FRMD4B: variants seen among roughly 807,000 people sequenced by gnomAD.
The protein encoded by FRMD4B is FERM domain containing 4B, also known as FERM domain-containing protein 4B.
In FRMD4B, 74 loss-of-function variants were observed where a neutral mutation model predicts 141.5. That is an observed-to-expected ratio of 0.52 (90% CI 0.43 to 0.63). The LOEUF is 0.63. Ranked by LOEUF, FRMD4B falls within the 30% of genes least tolerant of loss-of-function variation. FRMD4B has a pLI of 0.00. For missense variants in FRMD4B, 1,366 were observed against 1,253.4 expected, an observed-to-expected ratio of 1.09 and a Z score of -1.36; for synonymous variants, 506 against 467.9, an observed-to-expected ratio of 1.08 and a Z score of -1.05.
chr3:69,201,087 T>C (rs146812176), intron 11 of FRMD4B, among the ~76,000 whole-genome samples: 6 of 152,312 alleles, frequency 3.9e-5, no homozygotes, highest in African/African-American at 1.4e-4. Context: ...AATAACTGGA[T>C]TGTAACTGGG....
chr3:69,340,320 C>G (rs1278951411), intron 1 of FRMD4B, among the ~76,000 whole-genome samples: 4 of 152,048 alleles, frequency 2.6e-5, no homozygotes, highest in African/African-American at 9.7e-5. Flanking sequence ...CTCCCTCCTC[C>G]CACCCTCTAT....
chr3:69,443,285 T>C (rs1465732720), intron 1 of FRMD4B, among the ~76,000 whole-genome samples: 1 of 152,216 alleles, frequency 6.6e-6, no homozygotes, highest in East Asian at 1.9e-4. Flanking sequence ...TCCTGGTGAA[T>C]GCATTCACTT....
intron 11 of FRMD4B, among the ~76,000 whole-genome samples, chr3:69,212,531 C>G (rs906982953): frequency 6.6e-6 from 1 of 152,024 alleles, no homozygotes; most frequent in Admixed American, 6.6e-5. Flanking sequence ...TTTCTAGACT[C>G]TGGAATGAAC....
At chr3:69,440,438 G>A (rs904281372) in intron 1 of FRMD4B, among the ~76,000 whole-genome samples, 1 of 152,122 alleles carries the variant, frequency 6.6e-6, no homozygotes. Flanking sequence ...CAGTAATACT[G>A]TCTATGGCTT....
At chr3:69,433,390 C>G (rs1156238140) in intron 1 of FRMD4B, among the ~76,000 whole-genome samples, 1 of 152,220 alleles carries the variant, frequency 6.6e-6, no homozygotes, top group Non-Finnish European at 1.5e-5. Context: ...CTTGTGAGGT[C>G]ACACTGTTTC....
chr3:69,267,853 A>G (rs1258069655), intron 5 of FRMD4B, among the ~76,000 whole-genome samples: 1 of 149,710 alleles, frequency 6.7e-6, no homozygotes, highest in African/African-American at 2.5e-5. Context: ...GGCTGGTCTC[A>G]CACTCGTGGC....
intron 1 of FRMD4B, among the ~76,000 whole-genome samples, chr3:69,493,326 A>G (rs1188802880): frequency 6.6e-6 from 1 of 152,222 alleles, no homozygotes; most frequent in Non-Finnish European, 1.5e-5. Context: ...AGAGCCAATA[A>G]GGCAGATAAC....
chr3:69,384,316 T>C (rs987672914), intron 1 of FRMD4B, among the ~76,000 whole-genome samples: 2 of 152,240 alleles, frequency 1.3e-5, no homozygotes, highest in African/African-American at 2.4e-5. Flanking sequence ...GTATTACAGA[T>C]AAGCCATAAA....
At chr3:69,445,907 C>T (rs1479891146) in intron 1 of FRMD4B, among the ~76,000 whole-genome samples, 1 of 152,222 alleles carries the variant, frequency 6.6e-6, no homozygotes, top group African/African-American at 2.4e-5. Flanking sequence ...ACTAGAATTT[C>T]ACCTCCAAGA....
At chr3:69,424,803 G>T (rs1272076927) in intron 2 of FRMD4B, among the ~76,000 whole-genome samples, 1 of 152,150 alleles carries the variant, frequency 6.6e-6, no homozygotes, top group Non-Finnish European at 1.5e-5. Flanking sequence ...TTTAAAATTT[G>T]CTTAGGAAGG....
intron 7 of FRMD4B, among the ~76,000 whole-genome samples, chr3:69,234,014 G>A (rs1031993647): frequency 6.6e-6 from 1 of 152,080 alleles, no homozygotes. Context: ...AGGGAGGCTG[G>A]GGCTAGCAGA....
intron 5 of FRMD4B, among the ~76,000 whole-genome samples, chr3:69,268,475 C>T (rs1347232636): frequency 6.6e-6 from 1 of 152,024 alleles, no homozygotes; most frequent in Non-Finnish European, 1.5e-5. Context: ...TATAAGATTA[C>T]ATACACAACA....
At chr3:69,520,097 A>T (rs1700829732) in intron 1 of FRMD4B, among the ~76,000 whole-genome samples, 1 of 130,828 alleles carries the variant, frequency 7.6e-6, no homozygotes, top group Non-Finnish European at 1.5e-5. Context: ...ATATATATAT[A>T]TAAAATGGAC....
intron 5 of FRMD4B, among the ~76,000 whole-genome samples, chr3:69,254,440 G>A (rs962841299): frequency 3.3e-5 from 5 of 152,118 alleles, no homozygotes; most frequent in Admixed American, 6.6e-5. Flanking sequence ...AAAGTTTGAT[G>A]AGAAACAGGA....
chr3:69,289,272 G>A (rs187127706), intron 4 of FRMD4B, among the ~76,000 whole-genome samples: 8 of 152,134 alleles, frequency 5.3e-5, no homozygotes, highest in African/African-American at 1.7e-4. Context: ...ATTGAATGTC[G>A]TGACTGTACT....
intron 22 of FRMD4B, among the ~76,000 whole-genome samples, chr3:69,173,935 A>C (rs2092615650): frequency 6.6e-6 from 1 of 152,126 alleles, no homozygotes; most frequent in Admixed American, 6.5e-5. Context: ...TCAGGAGTTC[A>C]AGACCAGCCT....
At chr3:69,494,455 A>C (rs1706352642) in intron 1 of FRMD4B, among the ~76,000 whole-genome samples, 1 of 152,218 alleles carries the variant, frequency 6.6e-6, no homozygotes, top group African/African-American at 2.4e-5. Flanking sequence ...AGAATCCAGA[A>C]AGGGTCAGTG....
intron 1 of FRMD4B, among the ~76,000 whole-genome samples, chr3:69,383,173 C>A (rs1017829682): frequency 1.3e-5 from 2 of 152,156 alleles, no homozygotes; most frequent in Non-Finnish European, 2.9e-5. Context: ...GATTAACTTA[C>A]CCACGGTCAT....
chr3:69,340,579 G>A (rs1702706414), intron 1 of FRMD4B, among the ~76,000 whole-genome samples: 1 of 152,160 alleles, frequency 6.6e-6, no homozygotes, highest in Non-Finnish European at 1.5e-5. Flanking sequence ...TCAAATCATG[G>A]CTTAGATGCT....
Sources: allele counts gnomAD v4.1 joint callset (sites outside exome capture counted in the v4.1 genomes callset), GRCh38; gene constraint gnomAD v4.1.1; transcripts MANE v1.5; gene names NCBI Gene and HGNC (gene_info 2026-07-23, HGNC 2026-07-21).